NOTCH1: variants seen among roughly 807,000 people sequenced by gnomAD.
NOTCH1 encodes the protein neurogenic locus notch homolog protein 1.
A neutral mutation model predicts 254.8 loss-of-function variants in NOTCH1; 37 were observed. That is an observed-to-expected ratio of 0.15 (90% CI 0.11 to 0.19). The LOEUF is 0.19. Among genes scored for constraint, NOTCH1 ranks in the 10% least tolerant of loss-of-function variants. The pLI, the probability that NOTCH1 is intolerant of heterozygous loss-of-function variation, is 1.00. For missense variants in NOTCH1, 2,972 were observed against 3,708.6 expected, an observed-to-expected ratio of 0.80 and a Z score of 5.16; for synonymous variants, 1,731 against 1,618.1, an observed-to-expected ratio of 1.07 and a Z score of -1.68.
rs1451972572 is a variant in NOTCH1, at chr9:136,500,723, G to A, written c.5763C>T (p.His1921=). 2.5e-6 allele frequency: 4 copies of A among 1,608,776 alleles called. No homozygotes were observed. The highest frequency in any genetic ancestry group is 3.4e-6 in the Non-Finnish European group (4 of 1,179,896). The change falls in exon 31 of 34, where the codon CAC becomes CAT. Residue 1921 remains histidine (H), a synonymous_variant. Transcript: ENST00000651671. ...TCTCGCCCGTGCGGTCTGTCTGGTTGTGCAGGCTGGCGCCCTGGTAGATGA... is the reference window on the plus strand; with the variant it reads ...TCTCGCCCGTGCGGTCTGTCTGGTTATGCAGGCTGGCGCCCTGGTAGATGA... ...SDFIYQGASL[H]NQTDRTGETA...
intron 16 of NOTCH1, 120 bp downstream of exon 16, chr9:136,511,032 C>G: frequency 6.7e-7 from 1 of 1,490,378 alleles, no homozygotes; most frequent in South Asian, 1.2e-5. Flanking sequence ...CCGACCAGGG[C>G]CTCCTCAGCA....
intron 16 of NOTCH1, among the ~76,000 whole-genome samples, 157 bp from the exon 17 acceptor site, chr9:136,510,962 G>T (rs570361596): frequency 6.6e-6 from 1 of 152,168 alleles, no homozygotes; most frequent in Non-Finnish European, 1.5e-5. Context: ...GCCTAAGAAG[G>T]TCACAGGAAC....
rs1282067558 is a variant in NOTCH1, at chr9:136,543,971, G to A, written c.140+53C>T. On this transcript the variant is annotated intron_variant, in intron 2 of 33. Transcript: ENST00000651671. ...TTCTGTCCCCTGCGCGGCTGCAGAA[G>A]GCAGGGGCTCTGCCCTCGACAAAGC... 5.4e-6 allele frequency: 8 copies of A among 1,493,730 alleles called. No homozygotes were observed. In the East Asian group the frequency reaches 9.8e-5, roughly 18 times the overall value. The allele number at this position is 1,493,730 out of a possible 1,614,324, so 92.5% of individuals were successfully genotyped here.
chr9:136,509,999 A>C (rs2133351651), intron 17 of NOTCH1, 38 bp from the exon 18 acceptor site: 1 of 1,575,206 alleles, frequency 6.3e-7, no homozygotes. Context: ...AGGGGCAGGC[A>C]CAAACCCACA....
chr9:136,502,818 T>A (rs1843020902), intron 27 of NOTCH1: 3 of 563,706 alleles, frequency 5.3e-6, no homozygotes, highest in African/African-American at 1.9e-5. Flanking sequence ...AGATACAAAC[T>A]TCAACACTTC....
intron 17 of NOTCH1, 145 bp downstream of exon 17, chr9:136,510,508 C>T: frequency 9.0e-7 from 1 of 1,106,200 alleles, no homozygotes; most frequent in Non-Finnish European, 1.3e-6. Context: ...TCCCTCAGCA[C>T]ATCCCCCACA....
At chr9:136,517,971 G>A (rs758528165) in intron 7 of NOTCH1, 34 bp from the exon 8 acceptor site, 5 of 1,602,482 alleles carry the variant, frequency 3.1e-6, no homozygotes, top group Middle Eastern at 1.7e-4. Flanking sequence ...GGCTGCTCCA[G>A]GCACCCTGGC....
At chr9:136,525,605 C>T (rs1011562791) in intron 2 of NOTCH1, among the ~76,000 whole-genome samples, 55 of 152,242 alleles carry the variant, frequency 3.6e-4, no homozygotes, top group African/African-American at 1.3e-3. Context: ...CTGCGGCGGC[C>T]GCCTGCCCCA....
At chr9:136,502,163 T>C in intron 28 of NOTCH1, 75 bp from the exon 29 acceptor site, 1 of 1,587,870 alleles carries the variant, frequency 6.3e-7, no homozygotes, top group Non-Finnish European at 8.6e-7. Context: ...GGCCCGGGCC[T>C]GGCGTGGGAG....
chr9:136,543,792 C>A (rs531044678), intron 2 of NOTCH1: 1 of 617,182 alleles, frequency 1.6e-6, no homozygotes, highest in Non-Finnish European at 2.9e-6. Context: ...CCTGAGGTGG[C>A]CCACGGAGGA....
chr9:136,507,891 C>A (rs1843113913), intron 21 of NOTCH1, 64 bp downstream of exon 21: 1 of 1,555,076 alleles, frequency 6.4e-7, no homozygotes, highest in South Asian at 1.1e-5. Flanking sequence ...CAGCTCCCAG[C>A]CAGGGCCTGG....
chr9:136,495,582 G>A lies in NOTCH1; in HGVS notation c.*489C>T. On this transcript the variant is annotated 3_prime_UTR_variant, in exon 34 of 34. Coordinates refer to ENST00000651671, the MANE Select transcript of NOTCH1 (RefSeq NM_017617.5). Reference sequence around the variant, plus strand: ...ACAGGCAGGTGATGCTGGTGGAGCGGCCGGGCTGGCTTGGGGTTGGGTGGG... The same window carrying A: ...ACAGGCAGGTGATGCTGGTGGAGCGACCGGGCTGGCTTGGGGTTGGGTGGG... The A allele has an allele frequency of 2.5e-6, 1 of 400,376 alleles. No individual in the cohort carries two copies. Among genetic ancestry groups the A allele is most frequent in the East Asian group, 3.5e-5 (1 of 28,238 alleles). 24.8% of individuals were successfully genotyped at this position (400,376 alleles called of 1,614,324 possible). A position where few individuals can be genotyped will look rare whatever the true frequency, so the allele number is the denominator to read the frequency against.
chr9:136,525,866 C>T (rs1843451581), intron 2 of NOTCH1, among the ~76,000 whole-genome samples: 1 of 152,266 alleles, frequency 6.6e-6, no homozygotes, highest in Admixed American at 6.5e-5. Flanking sequence ...AAGGCTTTTA[C>T]CCGTGACCAC....
At position 136,511,151 on chromosome 9, in the gene NOTCH1, C is replaced by T. The variant is rs1843175014; in HGVS notation, c.2587+1G>A. ...CCTCACCGGGCCCTGGCCAGCCTCA[C>T]CTTGCCAGCCCGTGGGGCAGACACA... is the stretch of plus-strand genomic sequence containing the variant. On this transcript the variant is annotated splice_donor_variant, in intron 16 of 33. Coordinates refer to ENST00000651671, the MANE Select transcript of NOTCH1 (RefSeq NM_017617.5). LOFTEE classifies it high-confidence loss of function. 1 of 1,613,006 alleles carries T rather than the reference C, an allele frequency of 6.2e-7. No individual in the cohort carries two copies. The highest frequency in any genetic ancestry group is 8.5e-7 in the Non-Finnish European group (1 of 1,180,006).
chr9:136,501,400 C>T (rs1430616033), intron 30 of NOTCH1, among the ~76,000 whole-genome samples: 1 of 150,446 alleles, frequency 6.6e-6, no homozygotes, highest in Non-Finnish European at 1.5e-5. Flanking sequence ...TGCCACTGCA[C>T]TCCAGCCTGG....
In NOTCH1 at chr9:136,516,082, T is replaced by C. The variant is rs777236348; in HGVS notation, c.1568A>G (p.His523Arg). 6.2e-7 allele frequency: 1 copy of C among 1,610,640 alleles called. No individual in the cohort carries two copies. The highest frequency in any genetic ancestry group is 2.2e-5 in the East Asian group (1 of 44,866). The change falls in exon 10 of 34, where the codon CAT (histidine) becomes CGT (arginine). Residue 523 changes from histidine (H) to arginine (R), a missense_variant. By Grantham distance (29) the His-to-Arg change is conservative. Transcript: ENST00000651671. ...CTCGTCCACATCGTACTGGCACAGA[T>C]GCCCAGTGAAGCCTGGGGCCGGGGA... The part of the protein sequence containing the change: ...QCECPTGFTG[H>R]LCQYDVDECA...
Position 136,499,183 on chromosome 9 carries a change from C to T in NOTCH1, c.6011G>A (p.Arg2004His), listed in dbSNP as rs2133322865. The T allele has an allele frequency of 6.2e-7, 1 of 1,613,352 alleles. No individual in the cohort carries two copies. The change falls in exon 32 of 34, where the codon CGC becomes CAC. Residue 2004 changes from arginine (R) to histidine (H), a missense_variant. Physicochemically the swap from Arg to His is conservative, Grantham distance 29. Coordinates refer to ENST00000651671, the MANE Select transcript of NOTCH1 (RefSeq NM_017617.5). ...DGTTPLILAA[R>H]LAVEGMLEDL... ...CTCCAGCATGCCCTCCACGGCCAGG[C>T]GGGCAGCCAGGATCAGTGGCGTCGT...
chr9:136,518,297 G>A lies in NOTCH1; in HGVS notation c.1100-5C>T, dbSNP rs1401737057. ...CGTTGAGGTGGCACAGCAGACCTGG[G>A]CAGGCAGCGGCGGTCAGTGGGCACG... On this transcript the variant is annotated splice_region_variant and splice_polypyrimidine_tract_variant and intron_variant, in intron 6 of 33. Transcript: ENST00000651671. The A allele has an allele frequency of 1.2e-6, 2 of 1,608,360 alleles. No homozygotes were observed. Among genetic ancestry groups the A allele is most frequent in the East Asian group, 4.5e-5 (2 of 44,770 alleles).
rs1589064836 is a variant in NOTCH1, at chr9:136,513,633, A to G, written c.2208-96T>C. 7.1e-7 allele frequency: 1 copy of G among 1,410,976 alleles called. No individual in the cohort carries two copies. Among genetic ancestry groups the G allele is most frequent in the South Asian group, 1.2e-5 (1 of 83,868 alleles). 87.4% of individuals were successfully genotyped at this position (1,410,976 alleles called of 1,614,324 possible). A position where few individuals can be genotyped will look rare whatever the true frequency, so the allele number is the denominator to read the frequency against. On this transcript the variant is annotated intron_variant, in intron 13 of 33. Transcript: ENST00000651671. The surrounding 1 kb of genome is among the most constrained non-coding windows in gnomAD (Gnocchi z 4.7). ...TCTGCAATGCCCTATGGGCTGGCGG[A>G]GGTGCCCATCCACTCAGACTCGCAG...
Sources: allele counts gnomAD v4.1 joint callset (sites outside exome capture counted in the v4.1 genomes callset), GRCh38; gene constraint gnomAD v4.1.1; non-coding constraint Gnocchi (gnomAD v3.1); transcripts MANE v1.5; gene names NCBI Gene and HGNC (gene_info 2026-07-23, HGNC 2026-07-21).